Variants in RNF125 observed in about 807,000 individuals in gnomAD.
RNF125 encodes ring finger protein 125.
RNF125 carries 21 observed loss-of-function variants against 26.0 expected under a neutral mutation model. That is an observed-to-expected ratio of 0.81 (90% confidence interval 0.57 to 1.16). The LOEUF is 1.16. Ranked by LOEUF, RNF125 falls within the 50% of genes most tolerant of loss-of-function variation. The pLI is 0.00. For synonymous variants in RNF125, 95 were observed against 109.2 expected (o/e 0.87, Z 0.81); for missense variants, 270 against 299.4 (o/e 0.90, Z 0.72).
At chr18:32,034,568 G>T (rs186470659) in intron 1 of RNF125, among the ~76,000 whole-genome samples, 134 of 152,200 alleles carry the variant, frequency 8.8e-4, no homozygotes, top group African/African-American at 3.1e-3. Context: ...ATATGGAAGA[G>T]TTTTTAAAAA....
At chr18:32,074,838 T>C (rs2039559173), downstream of RNF125, among the ~76,000 whole-genome samples, 1 of 152,212 alleles carries the variant, frequency 6.6e-6, no homozygotes, top group African/African-American at 2.4e-5. Flanking sequence ...CCACCACGCC[T>C]GGCCCTGCCA....
At chr18:32,085,964 G>A in the RNF125 span, among the ~76,000 whole-genome samples, 1 of 152,170 alleles carries the variant, frequency 6.6e-6, no homozygotes, top group African/African-American at 2.4e-5. Flanking sequence ...ACTGAGAATG[G>A]CTCAAACTAG....
downstream of RNF125, among the ~76,000 whole-genome samples, chr18:32,074,288 T>C (rs1383947781): frequency 6.6e-6 from 1 of 152,172 alleles, no homozygotes; most frequent in Non-Finnish European, 1.5e-5. Flanking sequence ...TATTTGCCAA[T>C]GCAAGTCACA....
chr18:32,085,222 A>G, the RNF125 span, among the ~76,000 whole-genome samples: 1 of 152,154 alleles, frequency 6.6e-6, no homozygotes, highest in African/African-American at 2.4e-5. Context: ...AATTACAAAG[A>G]CATTAAAAGA....
intron 4 of RNF125, among the ~76,000 whole-genome samples, chr18:32,051,379 G>A (rs2039325588): frequency 6.6e-6 from 1 of 151,950 alleles, no homozygotes; most frequent in Non-Finnish European, 1.5e-5. Flanking sequence ...CACTTTGGGA[G>A]GCCAAGGCAG....
intron 3 of RNF125, among the ~76,000 whole-genome samples, chr18:32,043,373 C>T (rs2039238802): frequency 6.6e-6 from 1 of 152,164 alleles, no homozygotes; most frequent in Non-Finnish European, 1.5e-5. Flanking sequence ...AAAATGTTAG[C>T]TCTGCTCATT....
At chr18:32,037,336 C>A in intron 2 of RNF125, 67 bp downstream of exon 2, 1 of 895,750 alleles carries the variant, frequency 1.1e-6, no homozygotes, top group Non-Finnish European at 1.6e-6. Context: ...TATCATTTCA[C>A]CTCTGCTTCT....
At chr18:32,021,129 G>C (rs1034143313) in intron 1 of RNF125, among the ~76,000 whole-genome samples, 2 of 152,094 alleles carry the variant, frequency 1.3e-5, no homozygotes, top group African/African-American at 4.8e-5. Flanking sequence ...TGCCCAGGCT[G>C]GAGTGCAGTG....
At chr18:32,029,862 T>C (rs2039075390) in intron 1 of RNF125, among the ~76,000 whole-genome samples, 1 of 151,932 alleles carries the variant, frequency 6.6e-6, no homozygotes, top group Non-Finnish European at 1.5e-5. Flanking sequence ...TCTGGAGGAA[T>C]AGACTGGGGG....
At chr18:32,021,892 A>G (rs925631692) in intron 1 of RNF125, among the ~76,000 whole-genome samples, 3 of 152,242 alleles carry the variant, frequency 2.0e-5, no homozygotes, top group Admixed American at 6.5e-5. Flanking sequence ...CAAGGGCTGA[A>G]CAAATTGCCT....
At chr18:32,060,271 C>T (rs1020822960) in intron 4 of RNF125, among the ~76,000 whole-genome samples, 29 of 152,162 alleles carry the variant, frequency 1.9e-4, no homozygotes, top group African/African-American at 3.6e-4. Flanking sequence ...GGCAGATGTC[C>T]GGTCCCTGAC....
intron 4 of RNF125, among the ~76,000 whole-genome samples, chr18:32,053,196 C>G (rs1441398429): frequency 6.6e-6 from 1 of 151,978 alleles, no homozygotes; most frequent in African/African-American, 2.4e-5. Flanking sequence ...AACCCCGTTT[C>G]TACTAAAAAT....
At chr18:32,025,195 A>G (rs76497918) in intron 1 of RNF125, among the ~76,000 whole-genome samples, 3,304 of 152,152 alleles carry the variant, frequency 0.022, 51 homozygotes, top group Non-Finnish European at 0.031. Context: ...TTGGTACTAC[A>G]GACTATACAA....
chr18:32,036,108 C>T (rs1050559913), intron 1 of RNF125, among the ~76,000 whole-genome samples: 21 of 146,798 alleles, frequency 1.4e-4, no homozygotes, highest in Non-Finnish European at 2.1e-4. Context: ...GAGCTGAGAT[C>T]GTGTCATTGC....
intron 1 of RNF125, among the ~76,000 whole-genome samples, chr18:32,036,853 A>C (rs1157891750): frequency 2.0e-5 from 3 of 152,170 alleles, no homozygotes; most frequent in African/African-American, 7.2e-5. Flanking sequence ...AGCCTATAGG[A>C]AAGCTATTTC....
intron 2 of RNF125, among the ~76,000 whole-genome samples, chr18:32,039,560 TTAA>T (rs2039195585): frequency 6.6e-6 from 1 of 152,268 alleles, no homozygotes; most frequent in East Asian, 1.9e-4. Context: ...TTTTACATTC[TTAA>T]TAATAGATTA....
intron 1 of RNF125, among the ~76,000 whole-genome samples, chr18:32,019,340 A>G (rs1278687754): frequency 7.2e-5 from 11 of 152,112 alleles, no homozygotes; most frequent in Non-Finnish European, 1.2e-4. Context: ...GGGCTCGCCA[A>G]CTGGGGAGGG....
rs551929596 is a variant in RNF125, at chr18:32,042,919, C to T, written c.413+646C>T. ...ATCCCAGCACTTTGGGAGGCTGAGA[C>T]GGGCAGATCACTTGAGGTCAGGAGT... On this transcript the variant is annotated intron_variant, in intron 3 of 5. Coordinates refer to ENST00000217740, the MANE Select transcript of RNF125 (RefSeq NM_017831.4). Among the ~76,000 whole-genome samples the T allele has an allele frequency of 3.0e-4, 45 of 151,718 alleles. 2 individuals carry two copies. The highest frequency in any genetic ancestry group is 1.1e-3 in the African/African-American group (44 of 41,362).
chr18:32,062,516 A>G (rs2039444357), intron 4 of RNF125, among the ~76,000 whole-genome samples: 1 of 152,222 alleles, frequency 6.6e-6, no homozygotes, highest in Non-Finnish European at 1.5e-5. Context: ...TTTACTAAAA[A>G]TAAGATGTAA....
Sources: allele counts gnomAD v4.1 joint callset (sites outside exome capture counted in the v4.1 genomes callset), GRCh38; gene constraint gnomAD v4.1.1; transcripts MANE v1.5; gene names NCBI Gene and HGNC (gene_info 2026-07-23, HGNC 2026-07-21).